UMODL1: variants seen among roughly 807,000 people sequenced by gnomAD.
UMODL1 encodes the protein uromodulin-like 1.
A neutral mutation model predicts 136.3 loss-of-function variants in UMODL1; 128 were observed. That is an observed-to-expected ratio of 0.94 (90% CI 0.81 to 1.09). The LOEUF is 1.09. Ranked by LOEUF, UMODL1 falls within the 50% of genes least tolerant of loss-of-function variation. The pLI, the probability that UMODL1 is intolerant of heterozygous loss-of-function variation, is 0.00. For synonymous variants in UMODL1, 721 were observed against 720.0 expected (o/e 1.00, Z -0.02); for missense variants, 1,766 against 1,725.6 (o/e 1.02, Z -0.41).
rs184320979 is a variant in UMODL1 at position 42,126,509 on chromosome 21, G to A, written c.3293+19G>A. On this transcript the variant is annotated intron_variant, in intron 18 of 22. Transcript: ENST00000408910. ...AGTGGGGGTAAGGGAGAAATGCCCC[G>A]GCTGCCCCACAGCCACGTGCCTCCA... 38 of 1,614,102 alleles carry A rather than the reference G, an allele frequency of 2.4e-5. No homozygotes were observed. The East Asian group carries it at 2.5e-4, about 10-fold the overall frequency.
At chr21:42,129,214 CT>C (rs1407741064) in intron 20 of UMODL1, among the ~76,000 whole-genome samples, 5 of 152,170 alleles carry the variant, frequency 3.3e-5, no homozygotes, top group Admixed American at 3.3e-4. Context: ...TGCACAGGTG[CT>C]GGGATTTAGG....
chr21:42,141,041 C>T (rs140721115), intron 22 of UMODL1, among the ~76,000 whole-genome samples: 200 of 152,292 alleles, frequency 1.3e-3, no homozygotes, highest in African/African-American at 4.5e-3. Context: ...CAGCCAAGCC[C>T]GTCTTCCCTG....
At chr21:42,086,356 T>G (rs2066426591) in intron 4 of UMODL1, among the ~76,000 whole-genome samples, 1 of 152,242 alleles carries the variant, frequency 6.6e-6, no homozygotes, top group South Asian at 2.1e-4. Flanking sequence ...TGTCTTGGTG[T>G]CAAACCCAGG....
At chr21:42,092,807 C>T (rs1372096095) in intron 6 of UMODL1, among the ~76,000 whole-genome samples, 1 of 152,184 alleles carries the variant, frequency 6.6e-6, no homozygotes, top group Non-Finnish European at 1.5e-5. Flanking sequence ...GGTATTGCTT[C>T]GTTTAAATTC....
In UMODL1 at chr21:42,126,507, C is replaced by G; in HGVS notation, c.3293+17C>G. The G allele has an allele frequency of 6.2e-7, 1 of 1,614,126 alleles. No individual in the cohort carries two copies. Among genetic ancestry groups the G allele is most frequent in the Non-Finnish European group, 8.5e-7 (1 of 1,180,014 alleles). ...GGAGTGGGGGTAAGGGAGAAATGCCCCGGCTGCCCCACAGCCACGTGCCTC... is the reference window on the plus strand; with the variant it reads ...GGAGTGGGGGTAAGGGAGAAATGCCGCGGCTGCCCCACAGCCACGTGCCTC... On this transcript the variant is annotated intron_variant, in intron 18 of 22. Coordinates refer to ENST00000408910, the MANE Select transcript of UMODL1 (RefSeq NM_001004416.3).
intron 21 of UMODL1, among the ~76,000 whole-genome samples, chr21:42,130,777 G>T (rs957064597): frequency 4.0e-5 from 6 of 151,830 alleles, no homozygotes; most frequent in African/African-American, 1.5e-4. Context: ...CCATGGGCAA[G>T]TGGCCAAGGC....
chr21:42,102,154 T>C lies in UMODL1; in HGVS notation c.1187-12T>C, dbSNP rs940785324. 1 of 1,599,386 alleles carries C rather than the reference T, an allele frequency of 6.3e-7. No individual in the cohort carries two copies. The highest frequency in any genetic ancestry group is 8.6e-7 in the Non-Finnish European group (1 of 1,168,754). On this transcript the variant is annotated splice_polypyrimidine_tract_variant and intron_variant, in intron 7 of 22. Transcript: ENST00000408910. The stretch of plus-strand genomic sequence containing the variant: ...TTGACCACAGGCTAATTTGTTTCAC[T>C]GTCTGTCTCAGATGCCCAGGTATTT...
chr21:42,137,954 AG>A (rs2067231232), intron 22 of UMODL1, among the ~76,000 whole-genome samples: 1 of 151,984 alleles, frequency 6.6e-6, no homozygotes, highest in South Asian at 2.1e-4. Flanking sequence ...CTTCTGAAAA[AG>A]CAACCAGGAG....
intron 12 of UMODL1, chr21:42,113,131 T>C (rs1329538011): frequency 1.9e-5 from 3 of 161,010 alleles, no homozygotes; most frequent in Non-Finnish European, 4.1e-5. Flanking sequence ...AAGTCAGTAT[T>C]ACCGAGGGAC....
At position 42,126,477 on chromosome 21, in the gene UMODL1, A is replaced by G. The variant is rs2067056844; in HGVS notation, c.3280A>G (p.Thr1094Ala). ...TGACCTGCTGACATCCTCCGGCTTC[A>G]CCCTGGAGTGGGGGTAAGGGAGAAA... is the stretch of plus-strand genomic sequence containing the variant. ...QNDLLTSSGFTLEWGVYTIIE... is the reference protein window; with the variant it reads ...QNDLLTSSGFALEWGVYTIIE... Residue 1094 changes from threonine (T) to alanine (A), a missense_variant, in exon 18 of 23, where the codon ACC becomes GCC. Physicochemically the swap from Thr to Ala is moderately conservative, Grantham distance 58. Coordinates refer to ENST00000408910, the MANE Select transcript of UMODL1 (RefSeq NM_001004416.3). 1.9e-6 allele frequency: 3 copies of G among 1,614,054 alleles called. No homozygotes were observed. In the East Asian group the frequency reaches 6.7e-5, roughly 36 times the overall value.
At chr21:42,074,874 G>A (rs1234949779) in intron 1 of UMODL1, among the ~76,000 whole-genome samples, 1 of 151,722 alleles carries the variant, frequency 6.6e-6, no homozygotes, top group Non-Finnish European at 1.5e-5. Context: ...ACAGGCACCA[G>A]CCACCACAAT....
rs771802067 is a variant in UMODL1 at position 42,085,467 on chromosome 21, A to G, written c.603+55A>G. ...CCCTCCTTGTGGCAGCTGCTCAGGCAGACCCAGGTATGGGGCCGTGGAAGG... is the reference window on the plus strand; with the variant it reads ...CCCTCCTTGTGGCAGCTGCTCAGGCGGACCCAGGTATGGGGCCGTGGAAGG... On this transcript the variant is annotated intron_variant, in intron 4 of 22. Transcript: ENST00000408910. The surrounding 1 kb of genome is among the most constrained non-coding windows in gnomAD (Gnocchi z 4.5). 4 of 1,611,592 alleles carry G rather than the reference A, an allele frequency of 2.5e-6. No individual in the cohort carries two copies. In the Admixed American group the frequency reaches 6.7e-5, roughly 27 times the overall value.
chr21:42,102,570 C>T, intron 8 of UMODL1: 1 of 194,816 alleles, frequency 5.1e-6, no homozygotes, highest in Non-Finnish European at 1.0e-5. Context: ...GTGGAACCTT[C>T]TGTCTGAGGG....
intron 17 of UMODL1, 44 bp from the exon 18 acceptor site, chr21:42,126,301 C>A (rs767891018): frequency 6.2e-7 from 1 of 1,609,262 alleles, no homozygotes; most frequent in African/African-American, 1.3e-5. Context: ...GCGTGGGGGG[C>A]CGGCTGGGGC....
At chr21:42,066,812 G>A (rs1282634087), upstream of UMODL1, among the ~76,000 whole-genome samples, 1 of 152,206 alleles carries the variant, frequency 6.6e-6, no homozygotes, top group Non-Finnish European at 1.5e-5. Context: ...AGTTGTACCT[G>A]TTTGAGTCTT....
chr21:42,142,290 TC>T lies in UMODL1; in HGVS notation c.*219del, dbSNP rs1404989694. 2 of 152,312 alleles carry T rather than the reference TC, an allele frequency of 1.3e-5. No individual in the cohort carries two copies. Among genetic ancestry groups the T allele is most frequent in the Non-Finnish European group, 2.9e-5 (2 of 68,146 alleles). 9.4% of individuals were successfully genotyped at this position (152,312 alleles called of 1,614,324 possible). ...AAAGGAAGACAGCAGCCACCGTCTG[TC>T]CCGAAGAGGCAGGCCGTCCTGTAGG... On this transcript the variant is annotated 3_prime_UTR_variant, in exon 23 of 23. Transcript: ENST00000408910.
At chr21:42,092,992 G>A (rs1032742762) in intron 6 of UMODL1, among the ~76,000 whole-genome samples, 4 of 152,190 alleles carry the variant, frequency 2.6e-5, no homozygotes, top group African/African-American at 9.7e-5. Context: ...CTCTGGCGGG[G>A]ACCTGCCTGA....
intron 9 of UMODL1, among the ~76,000 whole-genome samples, chr21:42,109,297 G>C (rs1411165959): frequency 6.6e-6 from 1 of 152,186 alleles, no homozygotes; most frequent in East Asian, 1.9e-4. Context: ...AAAGAAGAGA[G>C]GGCTACATGC....
intron 17 of UMODL1, among the ~76,000 whole-genome samples, chr21:42,124,678 C>T (rs867555661): frequency 6.6e-6 from 1 of 152,030 alleles, no homozygotes; most frequent in Non-Finnish European, 1.5e-5. Context: ...CTAATGGGGA[C>T]ATTGTCCTCA....
Sources: allele counts gnomAD v4.1 joint callset (sites outside exome capture counted in the v4.1 genomes callset), GRCh38; gene constraint gnomAD v4.1.1; non-coding constraint Gnocchi (gnomAD v3.1); transcripts MANE v1.5; gene names NCBI Gene and HGNC (gene_info 2026-07-23, HGNC 2026-07-21).